The following MEIS2 variants were observed in gnomAD, a reference collection of about 807,000 sequenced individuals.
MEIS2 encodes the protein Meis homeobox 2, also known as homeobox protein Meis2.
In MEIS2, 9 loss-of-function variants were observed where a neutral mutation model predicts 58.6. That is an observed-to-expected ratio of 0.15 (90% CI 0.09 to 0.27). The LOEUF (loss-of-function observed/expected upper bound fraction) is 0.27. Among genes scored for constraint, MEIS2 ranks in the 10% least tolerant of loss-of-function variants. The probability of loss-of-function intolerance (pLI) is 1.00; values close to 1 mark genes in which losing one functional copy is unlikely to be tolerated. For synonymous variants in MEIS2, 221 were observed against 228.4 expected (o/e 0.97, Z 0.29); for missense variants, 427 against 635.0 (o/e 0.67, Z 3.52).
At chr15:36,978,566 A>G (rs2141496500) in intron 8 of MEIS2, among the ~76,000 whole-genome samples, 1 of 152,366 alleles carries the variant, frequency 6.6e-6, no homozygotes, top group East Asian at 1.9e-4. Context: ...TTACTGTAGA[A>G]AAGTTGGAAA....
chr15:37,063,708 G>C (rs1486159283), intron 7 of MEIS2, among the ~76,000 whole-genome samples: 5 of 152,142 alleles, frequency 3.3e-5, no homozygotes, highest in Admixed American at 1.3e-4. Context: ...AAATAGAACT[G>C]AGTCTCAGAT....
chr15:36,947,931 C>T (rs564108893), intron 9 of MEIS2, among the ~76,000 whole-genome samples: 27 of 152,058 alleles, frequency 1.8e-4, no homozygotes, highest in African/African-American at 5.5e-4. Context: ...TCAAAATGCA[C>T]TAAAATAAGT....
At chr15:37,052,576 G>T (rs914912710) in intron 7 of MEIS2, among the ~76,000 whole-genome samples, 4 of 152,180 alleles carry the variant, frequency 2.6e-5, no homozygotes, top group Admixed American at 6.5e-5. Flanking sequence ...CTTTGAACCT[G>T]GATAAGCAGT....
intron 7 of MEIS2, among the ~76,000 whole-genome samples, chr15:37,064,920 T>C (rs1191664225): frequency 6.6e-6 from 1 of 152,202 alleles, no homozygotes; most frequent in African/African-American, 2.4e-5. Context: ...CATTGAAATG[T>C]TGAGCCAAAG....
At chr15:37,058,384 G>A (rs1468589833) in intron 7 of MEIS2, among the ~76,000 whole-genome samples, 1 of 152,182 alleles carries the variant, frequency 6.6e-6, no homozygotes, top group Non-Finnish European at 1.5e-5. Flanking sequence ...AGTTTTTATC[G>A]TCTGATACTA....
At chr15:37,072,053 G>A (rs4625687) in intron 7 of MEIS2, among the ~76,000 whole-genome samples, 90,836 of 151,798 alleles carry the variant, frequency 0.6, 28,176 homozygotes, top group Non-Finnish European at 0.68. Flanking sequence ...CACATGTAAT[G>A]TCAGTCCTCT....
intron 7 of MEIS2, among the ~76,000 whole-genome samples, chr15:37,081,014 A>C (rs1334714472): frequency 6.6e-6 from 1 of 152,204 alleles, no homozygotes; most frequent in Non-Finnish European, 1.5e-5. Context: ...AGGTATTTTT[A>C]GGTTCCAAAG....
chr15:37,095,499 A>G, intron 4 of MEIS2, 65 bp downstream of exon 4: 2 of 1,609,868 alleles, frequency 1.2e-6, no homozygotes, highest in South Asian at 1.1e-5. Flanking sequence ...TCCAGCAGAA[A>G]GTGGGTGCTT....
At chr15:36,934,733 C>G (rs1355303771) in intron 9 of MEIS2, among the ~76,000 whole-genome samples, 2 of 152,142 alleles carry the variant, frequency 1.3e-5, no homozygotes, top group East Asian at 1.9e-4. Context: ...GAAAAATCTT[C>G]CAAGTGTATG....
At chr15:36,954,935 C>G (rs1279202969) in intron 8 of MEIS2, among the ~76,000 whole-genome samples, 1 of 152,110 alleles carries the variant, frequency 6.6e-6, no homozygotes, top group Admixed American at 6.5e-5. Context: ...TTGATGATGC[C>G]ACTCATTCAT....
chr15:36,905,562 G>A (rs1259775613), intron 9 of MEIS2, among the ~76,000 whole-genome samples: 1 of 152,126 alleles, frequency 6.6e-6, no homozygotes, highest in Non-Finnish European at 1.5e-5. Flanking sequence ...CATGGGAAGA[G>A]GGCGGAAGGT....
intron 8 of MEIS2, among the ~76,000 whole-genome samples, chr15:37,022,115 C>A (rs1049425490): frequency 1.3e-5 from 2 of 151,854 alleles, no homozygotes; most frequent in African/African-American, 4.8e-5. Flanking sequence ...TTCTTCATGA[C>A]AAACTCCTAG....
At chr15:36,935,881 T>C (rs2058150015) in intron 9 of MEIS2, among the ~76,000 whole-genome samples, 2 of 152,130 alleles carry the variant, frequency 1.3e-5, no homozygotes, top group South Asian at 4.1e-4. Context: ...CATTAGCCAA[T>C]ATTTAGCTCA....
At chr15:37,082,859 A>G (rs190750513) in intron 7 of MEIS2, among the ~76,000 whole-genome samples, 2 of 152,162 alleles carry the variant, frequency 1.3e-5, no homozygotes, top group East Asian at 3.9e-4. Flanking sequence ...GGCATATATA[A>G]CTACAGCTCG....
intron 8 of MEIS2, among the ~76,000 whole-genome samples, chr15:36,980,934 T>A (rs1181705194): frequency 1.3e-5 from 2 of 152,172 alleles, no homozygotes; most frequent in African/African-American, 4.8e-5. Context: ...GTAGGACAAA[T>A]ATCTTAACTG....
chr15:37,070,324 C>T (rs1248862252), intron 7 of MEIS2, among the ~76,000 whole-genome samples: 1 of 152,110 alleles, frequency 6.6e-6, no homozygotes, highest in African/African-American at 2.4e-5. Context: ...AAACAAGATG[C>T]AGGAAGACTC....
chr15:36,996,511 A>G (rs12901955), intron 8 of MEIS2, among the ~76,000 whole-genome samples: 112,116 of 152,094 alleles, frequency 0.74, 45,066 homozygotes, highest in Non-Finnish European at 0.91. Context: ...GCTGCTGTAT[A>G]TTGTTGTTTA....
chr15:37,083,709 TAAAATA>T lies in MEIS2; in HGVS notation c.754+56_754+61del. On this transcript the variant is annotated intron_variant, in intron 7 of 11. Transcript: ENST00000561208. ...CATGGCGGCAGATGTACTGATATCA[TAAAATA>T]CTGAAGTTATTTTAGTCATGCCTAC... 10 of 1,412,248 alleles carry T rather than the reference TAAAATA, an allele frequency of 7.1e-6. No homozygotes were observed. In the Middle Eastern group the frequency reaches 1.8e-3, roughly 253 times the overall value. 87.5% of individuals were successfully genotyped at this position (1,412,248 alleles called of 1,614,324 possible).
chr15:37,098,424 G>GAA (rs1555474193), intron 1 of MEIS2: 46 of 1,105,236 alleles, frequency 4.2e-5, no homozygotes, highest in African/African-American at 1.9e-4. Flanking sequence ...GAGAGAGAGA[G>GAA]AAAATAAAAA....
Sources: gnomAD v4.1 joint callset for allele counts (sites outside exome capture counted in the v4.1 genomes callset) on GRCh38, gnomAD v4.1.1 for gene constraint, MANE v1.5 for transcripts, NCBI Gene and HGNC (gene_info 2026-07-23, HGNC 2026-07-21) for gene names.